The following PDSS2 variants were observed in gnomAD, a reference collection of about 807,000 sequenced individuals.
The protein encoded by PDSS2 is decaprenyl diphosphate synthase subunit 2.
In PDSS2, 31 loss-of-function variants were observed where a neutral mutation model predicts 44.5. The observed-to-expected ratio is 0.70, with a 90% CI of 0.52 to 0.94. The LOEUF (loss-of-function observed/expected upper bound fraction) is 0.94. PDSS2 is among the 40% of genes least tolerant of loss of function. The probability of loss-of-function intolerance (pLI) is 0.00; values close to 1 mark genes in which losing one functional copy is unlikely to be tolerated. For synonymous variants in PDSS2, 157 were observed against 180.3 expected (o/e 0.87, Z 1.03); for missense variants, 452 against 482.2 (o/e 0.94, Z 0.59).
At chr6:107,322,754 T>C (rs1329873430) in intron 2 of PDSS2, among the ~76,000 whole-genome samples, 2 of 152,032 alleles carry the variant, frequency 1.3e-5, no homozygotes, top group Admixed American at 6.6e-5. Flanking sequence ...GCCCGGGACA[T>C]TGAGGCTGCA....
chr6:107,409,721 C>T (rs1345739897), intron 1 of PDSS2, among the ~76,000 whole-genome samples: 1 of 152,184 alleles, frequency 6.6e-6, no homozygotes, highest in Admixed American at 6.5e-5. Context: ...CTCATGTAAT[C>T]CTCACTATCC....
chr6:107,448,630 T>C (rs1781766174), intron 1 of PDSS2, among the ~76,000 whole-genome samples: 1 of 152,232 alleles, frequency 6.6e-6, no homozygotes, highest in Admixed American at 6.5e-5. Context: ...TGTCTTCTTC[T>C]GAGCCCTCCC....
At chr6:107,362,023 G>C (rs890954604) in intron 1 of PDSS2, among the ~76,000 whole-genome samples, 3 of 152,228 alleles carry the variant, frequency 2.0e-5, no homozygotes, top group African/African-American at 7.2e-5. Context: ...TTTGAGGACT[G>C]TTAGTTAAAA....
intron 6 of PDSS2, among the ~76,000 whole-genome samples, chr6:107,200,424 T>C (rs1185022840): frequency 6.6e-6 from 1 of 152,218 alleles, no homozygotes; most frequent in Non-Finnish European, 1.5e-5. Flanking sequence ...CCTGGGTAGC[T>C]TGCGAAAAAT....
Position 107,292,526 on chromosome 6 carries a change from T to C in PDSS2, c.432-18299A>G, listed in dbSNP as rs186120526. ...ACTCAGCAAGGAGTCACCATATTTA[T>C]CACTAGAAATTAGCCAACCAAAAAG... On this transcript the variant is annotated intron_variant, in intron 2 of 7. Transcript: ENST00000369037. 2.0e-5 allele frequency among the ~76,000 whole-genome samples: 3 copies of C among 152,288 alleles called. No homozygotes were observed. The East Asian group carries it at 5.8e-4, about 29-fold the overall frequency.
At chr6:107,203,588 A>G (rs1403408204) in intron 6 of PDSS2, among the ~76,000 whole-genome samples, 1 of 152,168 alleles carries the variant, frequency 6.6e-6, no homozygotes. Flanking sequence ...TGTCTGCTTC[A>G]TGACTTCTTC....
At chr6:107,382,200 T>A (rs1319798045) in intron 1 of PDSS2, among the ~76,000 whole-genome samples, 1 of 152,234 alleles carries the variant, frequency 6.6e-6, no homozygotes, top group Non-Finnish European at 1.5e-5. Flanking sequence ...CTACACCTTT[T>A]ATAATGTCAG....
chr6:107,306,515 C>A (rs1026839954), intron 2 of PDSS2, among the ~76,000 whole-genome samples: 1 of 152,288 alleles, frequency 6.6e-6, no homozygotes, highest in East Asian at 1.9e-4. Flanking sequence ...TCTTTATCAG[C>A]AGCATGAAAA....
At chr6:107,157,539 A>G (rs1227438142) in intron 7 of PDSS2, among the ~76,000 whole-genome samples, 1 of 151,964 alleles carries the variant, frequency 6.6e-6, no homozygotes, top group Non-Finnish European at 1.5e-5. Flanking sequence ...CCCCCACCCC[A>G]ACAAGCTCCC....
intron 1 of PDSS2, among the ~76,000 whole-genome samples, chr6:107,454,712 C>A (rs1781980531): frequency 6.6e-6 from 1 of 151,844 alleles, no homozygotes; most frequent in African/African-American, 2.4e-5. Flanking sequence ...ACATGATTCA[C>A]CCCTAACATA....
chr6:107,155,621 C>A (rs190786157), intron 7 of PDSS2, among the ~76,000 whole-genome samples: 62 of 147,210 alleles, frequency 4.2e-4, no homozygotes, highest in African/African-American at 1.4e-3. Context: ...CACTCTGTTG[C>A]CAGGCTGGAG....
At chr6:107,309,256 C>A (rs920027738) in intron 2 of PDSS2, among the ~76,000 whole-genome samples, 1 of 152,144 alleles carries the variant, frequency 6.6e-6, no homozygotes, top group Non-Finnish European at 1.5e-5. Context: ...GAGCACAATG[C>A]CCTGCTGTGG....
rs1036022520 is a variant in PDSS2, at chr6:107,216,505, C to T, written c.703-4223G>A. ...ACCAAAAAAAACAAAAAACAAAAAA[C>T]AAAACCTGGGAATAAGCTTAGAAAC... On this transcript the variant is annotated intron_variant, in intron 4 of 7. Transcript: ENST00000369037. Among the ~76,000 whole-genome samples the T allele has an allele frequency of 1.8e-4, 27 of 152,052 alleles. No homozygotes were observed. In the East Asian group the frequency reaches 5.0e-3, roughly 28 times the overall value.
intron 1 of PDSS2, among the ~76,000 whole-genome samples, chr6:107,421,878 G>C (rs955521705): frequency 6.6e-6 from 1 of 151,226 alleles, no homozygotes; most frequent in South Asian, 2.1e-4. Flanking sequence ...AATAAGGTTT[G>C]TAGTTTAGTT....
intron 1 of PDSS2, among the ~76,000 whole-genome samples, chr6:107,439,943 AT>A (rs1167687694): frequency 6.6e-6 from 1 of 152,120 alleles, no homozygotes; most frequent in African/African-American, 2.4e-5. Flanking sequence ...TAATAAGTAT[AT>A]GGACAAGGTG....
At chr6:107,276,912 C>T (rs868585424) in intron 2 of PDSS2, among the ~76,000 whole-genome samples, 85 of 152,288 alleles carry the variant, frequency 5.6e-4, no homozygotes, top group African/African-American at 1.9e-3. Context: ...AGCCCAGCCC[C>T]CTGCACATTT....
At chr6:107,269,354 G>GTC (rs1775519076) in intron 3 of PDSS2, among the ~76,000 whole-genome samples, 1 of 151,378 alleles carries the variant, frequency 6.6e-6, no homozygotes, top group African/African-American at 2.4e-5. Context: ...GTGTGTGTGT[G>GTC]TGTGTGTGTG....
At chr6:107,358,002 G>A (rs1317474752) in intron 1 of PDSS2, among the ~76,000 whole-genome samples, 1 of 152,092 alleles carries the variant, frequency 6.6e-6, no homozygotes, top group South Asian at 2.1e-4. Context: ...TACTGGTTGA[G>A]CATCCCTAAT....
chr6:107,240,827 A>C (rs1264075501), intron 4 of PDSS2, among the ~76,000 whole-genome samples: 1 of 152,222 alleles, frequency 6.6e-6, no homozygotes, highest in African/African-American at 2.4e-5. Context: ...AACACTAAAG[A>C]AAGCAGAATG....
Sources: allele counts gnomAD v4.1 joint callset (sites outside exome capture counted in the v4.1 genomes callset), GRCh38; gene constraint gnomAD v4.1.1; transcripts MANE v1.5; gene names NCBI Gene and HGNC (gene_info 2026-07-23, HGNC 2026-07-21).